Variants in PPP2R2C observed in about 807,000 individuals in gnomAD.
PPP2R2C encodes protein phosphatase 2 regulatory subunit Bgamma, also known as protein phosphatase 2, regulatory subunit B, gamma.
Under a neutral mutation model 45.3 loss-of-function variants are expected in PPP2R2C, and 10 were observed. The ratio of observed to expected loss-of-function variants is 0.22; its 90% CI spans 0.14 to 0.37. The LOEUF (loss-of-function observed/expected upper bound fraction) is 0.37, where lower values mean the gene tolerates loss of function less well. Among genes scored for constraint, PPP2R2C ranks in the 10% least tolerant of loss-of-function variants. The pLI, the probability that PPP2R2C is intolerant of heterozygous loss-of-function variation, is 1.00. For missense variants in PPP2R2C, 308 were observed against 619.7 expected, an observed-to-expected ratio of 0.50 and a Z score of 5.34; for synonymous variants, 257 against 245.4, an observed-to-expected ratio of 1.05 and a Z score of -0.44.
chr4:6,375,124 G>T (rs4293851), intron 4 of PPP2R2C, among the ~76,000 whole-genome samples: 140,996 of 152,204 alleles, frequency 0.93, 65,511 homozygotes, highest in East Asian at 1. Flanking sequence ...TTCTTGGGAC[G>T]GGGGGTGGGG....
At chr4:6,531,685 T>C (rs1724407446) in intron 2 of PPP2R2C, among the ~76,000 whole-genome samples, 1 of 152,008 alleles carries the variant, frequency 6.6e-6, no homozygotes, top group South Asian at 2.1e-4. Context: ...TCTTCCTCAG[T>C]TGCTGTTATT....
intron 1 of PPP2R2C, among the ~76,000 whole-genome samples, chr4:6,458,916 A>G (rs954760327): frequency 6.6e-6 from 1 of 152,152 alleles, no homozygotes; most frequent in African/African-American, 2.4e-5. Flanking sequence ...AGGCTAACAC[A>G]AGCAAAGAAG....
chr4:6,391,318 A>G (rs952824089), intron 1 of PPP2R2C, among the ~76,000 whole-genome samples: 6 of 151,772 alleles, frequency 4.0e-5, no homozygotes, highest in Non-Finnish European at 7.4e-5. Context: ...CCTCCTCCCT[A>G]CCGTGTAGAG....
At chr4:6,370,916 G>A (rs924688005) in intron 5 of PPP2R2C, among the ~76,000 whole-genome samples, 1 of 152,196 alleles carries the variant, frequency 6.6e-6, no homozygotes, top group Non-Finnish European at 1.5e-5. Flanking sequence ...CTTCAAAGCA[G>A]CTCAGGTCCC....
At position 6,406,307 on chromosome 4, in the gene PPP2R2C, AACCC is replaced by A. The variant is rs529812036; in HGVS notation, c.71-25217_71-25214del. On this transcript the variant is annotated intron_variant, in intron 1 of 8. Transcript: ENST00000382599. ...TTCCATGGGGAAGTTGGTCTTTCTT[AACCC>A]ACTATCATTTTAAGAATTTCAAAGC... Among the ~76,000 whole-genome samples the A allele has an allele frequency of 1.4e-4, 22 of 152,344 alleles. No homozygotes were observed. The South Asian group carries it at 2.9e-3, about 20-fold the overall frequency.
At chr4:6,557,951 C>T (rs1253170889) in intron 1 of PPP2R2C, among the ~76,000 whole-genome samples, 1 of 152,146 alleles carries the variant, frequency 6.6e-6, no homozygotes, top group Admixed American at 6.5e-5. Flanking sequence ...CCTCCCCAGC[C>T]CCACCCCAGA....
chr4:6,512,491 ATGG>A (rs1222316344), intron 2 of PPP2R2C, among the ~76,000 whole-genome samples: 76 of 16,704 alleles, frequency 4.5e-3, no homozygotes, highest in African/African-American at 0.01. Context: ...GGTGATGGTG[ATGG>A]TGGTGGTGGT....
intron 1 of PPP2R2C, among the ~76,000 whole-genome samples, chr4:6,554,997 G>GAGAAA (rs1156784539): frequency 4.7e-5 from 7 of 149,924 alleles, no homozygotes; most frequent in East Asian, 1.9e-4. Context: ...GAGAAGAGAA[G>GAGAAA]AGAAAAGAAA....
intron 6 of PPP2R2C, among the ~76,000 whole-genome samples, chr4:6,342,208 C>T (rs968791610): frequency 5.3e-5 from 8 of 150,730 alleles, no homozygotes; most frequent in Admixed American, 2.8e-4. Context: ...ACGTAGACAT[C>T]AGTCTCTTCA....
intron 1 of PPP2R2C, among the ~76,000 whole-genome samples, chr4:6,441,392 C>T (rs1164243993): frequency 1.3e-5 from 2 of 152,026 alleles, no homozygotes; most frequent in Non-Finnish European, 2.9e-5. Context: ...GGAGGAGCCA[C>T]GCTCCTCAGC....
chr4:6,499,899 C>A (rs1484624440), intron 2 of PPP2R2C, among the ~76,000 whole-genome samples: 1 of 152,128 alleles, frequency 6.6e-6, no homozygotes, highest in Non-Finnish European at 1.5e-5. Flanking sequence ...CCAAGCCACT[C>A]TCCTTCCTCC....
chr4:6,506,572 C>T lies in PPP2R2C; in HGVS notation c.49+28699G>A, dbSNP rs146446051. Among the ~76,000 whole-genome samples, 1,340 of 152,254 alleles carry T rather than the reference C, an allele frequency of 8.8e-3. 12 individuals are homozygous for T. Among genetic ancestry groups the T allele is most frequent in the African/African-American group, 0.024 (992 of 41,540 alleles). ...AGAAGGGCTCAGTCATGAAAATATC[C>T]AGGGAAAGAACTTTCAGGACACAGG... is the stretch of plus-strand genomic sequence containing the variant. On this transcript the variant is annotated intron_variant, in intron 2 of 9. Transcript: ENST00000506140.
intron 5 of PPP2R2C, among the ~76,000 whole-genome samples, chr4:6,352,385 G>A (rs183900538): frequency 5.3e-5 from 8 of 152,266 alleles, no homozygotes; most frequent in South Asian, 2.1e-4. Context: ...CATGATACCC[G>A]CCTAAATCCT....
chr4:6,453,690 G>A (rs760709955), intron 1 of PPP2R2C, among the ~76,000 whole-genome samples: 4 of 152,236 alleles, frequency 2.6e-5, no homozygotes, highest in Non-Finnish European at 5.9e-5. Context: ...TGATGGGGAG[G>A]TCGGTGTGTC....
upstream of PPP2R2C, among the ~76,000 whole-genome samples, chr4:6,475,185 A>G (rs1410298155): frequency 6.6e-6 from 1 of 152,076 alleles, no homozygotes; most frequent in Admixed American, 6.6e-5. Flanking sequence ...GGAGATGGAG[A>G]TGAACGGGGA....
At chr4:6,520,687 T>C (rs1224562319) in intron 2 of PPP2R2C, among the ~76,000 whole-genome samples, 3 of 152,212 alleles carry the variant, frequency 2.0e-5, no homozygotes, top group African/African-American at 4.8e-5. Flanking sequence ...CAGGATGCCA[T>C]GCAGGGGCTG....
chr4:6,559,296 A>G (rs1014982382), intron 1 of PPP2R2C, among the ~76,000 whole-genome samples: 3 of 152,084 alleles, frequency 2.0e-5, no homozygotes, highest in African/African-American at 7.2e-5. Flanking sequence ...TCACAAGTTG[A>G]CTTGAGGATA....
At chr4:6,406,042 T>C (rs1356205570) in intron 1 of PPP2R2C, among the ~76,000 whole-genome samples, 1 of 152,168 alleles carries the variant, frequency 6.6e-6, no homozygotes, top group Admixed American at 6.5e-5. Context: ...AGAATTACAA[T>C]TACCACAATT....
intron 1 of PPP2R2C, among the ~76,000 whole-genome samples, chr4:6,459,287 T>A (rs767895999): frequency 6.6e-6 from 1 of 152,122 alleles, no homozygotes; most frequent in Non-Finnish European, 1.5e-5. Flanking sequence ...CCTCTCTGCA[T>A]GTGCCTCTCC....
Sources: gnomAD v4.1 joint callset for allele counts (sites outside exome capture counted in the v4.1 genomes callset) on GRCh38, gnomAD v4.1.1 for gene constraint, MANE v1.5 for transcripts, NCBI Gene and HGNC (gene_info 2026-07-23, HGNC 2026-07-21) for gene names.